Variants in NAALADL2 observed in about 807,000 individuals in gnomAD.
The protein encoded by NAALADL2 is N-acetylated alpha-linked acidic dipeptidase like 2.
Under a neutral mutation model 87.2 loss-of-function variants are expected in NAALADL2, and 76 were observed. The ratio of observed to expected loss-of-function variants is 0.87; its 90% CI spans 0.72 to 1.05. The LOEUF (loss-of-function observed/expected upper bound fraction) is 1.05. Among genes scored for constraint, NAALADL2 ranks in the 50% least tolerant of loss-of-function variants. The pLI, the probability that NAALADL2 is intolerant of heterozygous loss-of-function variation, is 0.00. For missense variants in NAALADL2, 1,089 were observed against 945.8 expected (o/e 1.15, Z -1.99); for synonymous variants, 354 against 331.0 (o/e 1.07, Z -0.75).
intron 5 of NAALADL2, among the ~76,000 whole-genome samples, chr3:175,397,696 G>A (rs532238918): frequency 2.1e-4 from 32 of 152,250 alleles, no homozygotes; most frequent in African/African-American, 7.5e-4. Flanking sequence ...TGGGTACACC[G>A]TGTTTTATTT....
intron 1 of NAALADL2, among the ~76,000 whole-genome samples, chr3:174,986,268 T>TATATATATAAAATATATACACA (rs1745865043): frequency 6.8e-6 from 1 of 148,008 alleles, no homozygotes; most frequent in Non-Finnish European, 1.5e-5. Context: ...ATACACAATA[T>TATATATATAAAATATATACACA]ATATATATAA....
chr3:174,552,736 C>T (rs1012913480), intron 2 of NAALADL2, among the ~76,000 whole-genome samples: 1 of 133,068 alleles, frequency 7.5e-6, no homozygotes, highest in Non-Finnish European at 1.5e-5. Context: ...GTTGAGGCTG[C>T]AGTGAGGTGA....
chr3:175,185,770 CT>C lies in NAALADL2; in HGVS notation c.546-48157del, dbSNP rs1464208135. On this transcript the variant is annotated intron_variant, in intron 2 of 13. Transcript: ENST00000454872. ...AATTATTTTATATAATTATATAAGC[CT>C]TTTGTATATCTAAAATATTTAATAA... Among the ~76,000 whole-genome samples, 4 of 149,890 alleles carry C rather than the reference CT, an allele frequency of 2.7e-5. No homozygotes were observed. In the East Asian group the frequency reaches 5.8e-4, roughly 22 times the overall value.
chr3:174,898,137 A>AG (rs1731829528), intron 1 of NAALADL2, among the ~76,000 whole-genome samples: 1 of 131,990 alleles, frequency 7.6e-6, no homozygotes, highest in Non-Finnish European at 1.5e-5. Context: ...AAAAAAAAAA[A>AG]AAAAAAGAAA....
At chr3:175,078,028 CT>C (rs58379991) in intron 1 of NAALADL2, among the ~76,000 whole-genome samples, 7,588 of 143,672 alleles carry the variant, frequency 0.053, 625 homozygotes, top group African/African-American at 0.18. Flanking sequence ...TCTTTTCTTT[CT>C]TTTTTTTTTT....
At chr3:175,287,436 C>A (rs1368242323) in intron 4 of NAALADL2, among the ~76,000 whole-genome samples, 1 of 152,130 alleles carries the variant, frequency 6.6e-6, no homozygotes, top group Non-Finnish European at 1.5e-5. Flanking sequence ...TTTATAAATA[C>A]TTTTTAATAC....
intron 2 of NAALADL2, among the ~76,000 whole-genome samples, chr3:174,734,697 G>A (rs991300205): frequency 1.3e-5 from 2 of 152,116 alleles, no homozygotes; most frequent in Admixed American, 6.5e-5. Flanking sequence ...TCATCAAGCA[G>A]TTCTTTCTTT....
At chr3:175,231,155 T>G (rs538805004) in intron 2 of NAALADL2, among the ~76,000 whole-genome samples, 1 of 152,058 alleles carries the variant, frequency 6.6e-6, no homozygotes, top group Admixed American at 6.6e-5. Context: ...GTTAAAGAGA[T>G]ATACATATAT....
chr3:175,286,549 T>C (rs1284738290), intron 4 of NAALADL2, among the ~76,000 whole-genome samples: 2 of 152,180 alleles, frequency 1.3e-5, no homozygotes. Context: ...TTTACTAGAT[T>C]CGTTATTTCC....
intron 11 of NAALADL2, among the ~76,000 whole-genome samples, chr3:175,683,740 T>G (rs1735916523): frequency 1.3e-5 from 2 of 152,038 alleles, no homozygotes; most frequent in African/African-American, 4.8e-5. Context: ...TCTTTGTTAT[T>G]TCATTATGCT....
chr3:174,459,829 T>A (rs923980912), intron 1 of NAALADL2: 1 of 152,194 alleles, frequency 6.6e-6, no homozygotes, highest in Non-Finnish European at 1.5e-5. Context: ...TTGTATGTGC[T>A]GTATAATTAT....
chr3:174,694,012 T>C (rs1728810949), intron 2 of NAALADL2, among the ~76,000 whole-genome samples: 1 of 152,148 alleles, frequency 6.6e-6, no homozygotes, highest in Non-Finnish European at 1.5e-5. Flanking sequence ...CATATATTCT[T>C]TTCTACTAGT....
chr3:175,741,962 T>TCAA (rs1340642188), intron 12 of NAALADL2, among the ~76,000 whole-genome samples: 1 of 152,180 alleles, frequency 6.6e-6, no homozygotes, highest in African/African-American at 2.4e-5. Context: ...GCGGGACCAC[T>TCAA]CAAAGGAGGG....
intron 2 of NAALADL2, among the ~76,000 whole-genome samples, chr3:174,570,232 G>A (rs1229882697): frequency 6.6e-6 from 1 of 151,788 alleles, no homozygotes; most frequent in Non-Finnish European, 1.5e-5. Context: ...ACCCATGGGA[G>A]GGCAAGCCTG....
At chr3:174,526,307 T>C (rs748824847) in intron 1 of NAALADL2, among the ~76,000 whole-genome samples, 3 of 152,322 alleles carry the variant, frequency 2.0e-5, no homozygotes, top group Non-Finnish European at 4.4e-5. Flanking sequence ...TCATTAGCAT[T>C]GGGAACCTAG....
At chr3:175,315,398 A>G (rs1342901230) in intron 4 of NAALADL2, among the ~76,000 whole-genome samples, 1 of 152,140 alleles carries the variant, frequency 6.6e-6, no homozygotes, top group African/African-American at 2.4e-5. Flanking sequence ...ATATTTATAT[A>G]TTTTTGAGGG....
chr3:175,245,182 G>A (rs1383328472), intron 3 of NAALADL2, among the ~76,000 whole-genome samples: 3 of 151,912 alleles, frequency 2.0e-5, no homozygotes, highest in African/African-American at 7.3e-5. Context: ...ATAGCTAAAG[G>A]AAAGATGCTA....
intron 2 of NAALADL2, among the ~76,000 whole-genome samples, chr3:174,716,654 A>T (rs531183225): frequency 3.9e-5 from 6 of 152,152 alleles, no homozygotes; most frequent in African/African-American, 1.4e-4. Context: ...AAAAAAAAAT[A>T]GACCCTGTCT....
chr3:175,758,765 AAAG>A (rs1747599865), intron 13 of NAALADL2, among the ~76,000 whole-genome samples: 1 of 152,150 alleles, frequency 6.6e-6, no homozygotes, highest in South Asian at 2.1e-4. Flanking sequence ...ACATTGTACA[AAAG>A]AACATTTGGT....
Sources: allele counts gnomAD v4.1 joint callset (sites outside exome capture counted in the v4.1 genomes callset), GRCh38; gene constraint gnomAD v4.1.1; transcripts MANE v1.5; gene names NCBI Gene and HGNC (gene_info 2026-07-23, HGNC 2026-07-21).